Variants in TMEM47 observed in about 807,000 individuals in gnomAD.
TMEM47 encodes transmembrane protein 47.
Under a neutral mutation model 12.4 loss-of-function variants are expected in TMEM47, and 3 were observed. The observed-to-expected ratio is 0.24, with a 90% confidence interval of 0.11 to 0.63. The LOEUF is 0.63. Ranked by LOEUF, TMEM47 falls within the 20% of genes least tolerant of loss-of-function variation. The pLI is 0.86. For synonymous variants in TMEM47, 62 were observed against 63.3 expected, an observed-to-expected ratio of 0.98 and a Z score of 0.10; for missense variants, 89 against 143.8, an observed-to-expected ratio of 0.62 and a Z score of 1.95.
intron 1 of TMEM47, among the ~76,000 whole-genome samples, chrX:34,652,670 A>G (rs961562617): frequency 1.8e-5 from 2 of 111,858 alleles, no homozygotes; most frequent in Admixed American, 9.5e-5. Context: ...TGAAAATCTA[A>G]AAGACATTAA....
chrX:34,632,834 C>T (rs1921649733), intron 2 of TMEM47, among the ~76,000 whole-genome samples: 1 of 111,893 alleles, frequency 8.9e-6, no homozygotes, highest in Non-Finnish European at 1.9e-5. Context: ...GCCCAGTTGG[C>T]TCTTTGCCTT....
intron 1 of TMEM47, among the ~76,000 whole-genome samples, chrX:34,643,744 C>T (rs763304829): frequency 8.9e-6 from 1 of 111,801 alleles, no homozygotes; most frequent in South Asian, 3.8e-4. Flanking sequence ...AATTGCAGTG[C>T]TCTGCACAAT....
intron 1 of TMEM47, among the ~76,000 whole-genome samples, chrX:34,647,961 A>C (rs935411024): frequency 2.7e-5 from 3 of 111,926 alleles, no homozygotes; most frequent in African/African-American, 9.7e-5. Context: ...CCACACAAAA[A>C]AAATAAAATA....
chrX:34,651,229 G>T (rs1922012751), intron 1 of TMEM47, among the ~76,000 whole-genome samples: 1 of 112,024 alleles, frequency 8.9e-6, no homozygotes, highest in African/African-American at 3.2e-5. Flanking sequence ...AGACATGTGT[G>T]ATTTCTCAGC....
At chrX:34,631,949 A>T (rs939941911) in intron 2 of TMEM47, among the ~76,000 whole-genome samples, 20 of 111,896 alleles carry the variant, frequency 1.8e-4, no homozygotes, top group African/African-American at 6.2e-4. Flanking sequence ...TCCCTAAAAA[A>T]TACAGAGTAC....
rs759364361 is a variant in TMEM47 at position 34,634,493 on chromosome X, T to C, written c.368-4002A>G. 2.4e-3 allele frequency among the ~76,000 whole-genome samples: 270 copies of C among 112,301 alleles called. 2 individuals carry two copies. Among genetic ancestry groups the C allele is most frequent in the African/African-American group, 8.4e-3 (260 of 30,932 alleles). ...ATATATTGGGTGCCTACGTGCTAGA[T>C]GAAGGGGATAAGATAGATAAGACAT... On this transcript the variant is annotated intron_variant, in intron 2 of 2. Coordinates refer to ENST00000275954, the MANE Select transcript of TMEM47 (RefSeq NM_031442.4).
intron 1 of TMEM47, among the ~76,000 whole-genome samples, chrX:34,650,890 C>T (rs1036290541): frequency 1.8e-5 from 2 of 111,903 alleles, no homozygotes; most frequent in African/African-American, 6.5e-5. Flanking sequence ...AAGCCATATG[C>T]TGGCTGAGGG....
At chrX:34,632,956 A>G (rs187709336) in intron 2 of TMEM47, among the ~76,000 whole-genome samples, 2 of 107,568 alleles carry the variant, frequency 1.9e-5, no homozygotes, top group East Asian at 2.9e-4. Context: ...AGTACATTTG[A>G]AAAAAAAAAG....
chrX:34,637,679 C>G (rs756092400), intron 2 of TMEM47, among the ~76,000 whole-genome samples: 3 of 110,500 alleles, frequency 2.7e-5, no homozygotes, highest in African/African-American at 9.9e-5. Context: ...AGCTACATGC[C>G]TTAGTCATTT....
intron 2 of TMEM47, among the ~76,000 whole-genome samples, chrX:34,636,902 T>A (rs751143174): frequency 1.8e-5 from 2 of 111,943 alleles, no homozygotes; most frequent in South Asian, 7.6e-4. Flanking sequence ...TGATATGTAC[T>A]GAAGTAAAGA....
chrX:34,645,515 AAGTT>A (rs10550233), intron 1 of TMEM47, among the ~76,000 whole-genome samples: 2,220 of 111,675 alleles, frequency 0.02, 46 homozygotes, highest in African/African-American at 0.063. Flanking sequence ...TAACTTTTAA[AAGTT>A]AGTCTGCATG....
chrX:34,642,108 C>T (rs1249275056), intron 1 of TMEM47, among the ~76,000 whole-genome samples: 12 of 112,487 alleles, frequency 1.1e-4, no homozygotes, highest in Non-Finnish European at 1.5e-4. Context: ...CCACCCGCCT[C>T]GGCCTCCCAA....
chrX:34,629,575 A>C lies in TMEM47; in HGVS notation c.*738T>G, dbSNP rs967320622. Reference sequence around the variant, plus strand: ...TTGGCAAATGATTTAAAGGGTACAAAAGCAACTCATGCAGATTTCTTTCTG... The same window carrying C: ...TTGGCAAATGATTTAAAGGGTACAACAGCAACTCATGCAGATTTCTTTCTG... On this transcript the variant is annotated 3_prime_UTR_variant, in exon 3 of 3. Transcript: ENST00000275954. 2.7e-4 allele frequency: 30 copies of C among 111,573 alleles called. No homozygotes were observed. The highest frequency in any genetic ancestry group is 5.6e-5 in the Non-Finnish European group (3 of 53,179). The allele number at this position is 111,573 out of a possible 1,213,427, so 9.2% of individuals were successfully genotyped here.
At chrX:34,641,941 C>T (rs1396357763) in intron 1 of TMEM47, among the ~76,000 whole-genome samples, 1 of 112,463 alleles carries the variant, frequency 8.9e-6, no homozygotes, top group Non-Finnish European at 1.9e-5. Context: ...ACTGCAACCT[C>T]CGTCTCCCGG....
chrX:34,647,126 C>T (rs1921926014), intron 1 of TMEM47, among the ~76,000 whole-genome samples: 1 of 110,877 alleles, frequency 9.0e-6, no homozygotes, highest in African/African-American at 3.3e-5. Context: ...TAGAGGGAAG[C>T]ATTCGAATGT....
At position 34,628,621 on chromosome X, in the gene TMEM47, G is replaced by A. The variant is rs1362962524; in HGVS notation, c.*1692C>T. On this transcript the variant is annotated 3_prime_UTR_variant, in exon 3 of 3. Transcript: ENST00000275954. ...CTGAAAGAAGAACTGTGTTTTGGGA[G>A]GTAAAACAAATTATTAAATACTATC... 9.1e-6 allele frequency: 1 copy of A among 109,443 alleles called. No homozygotes were observed. Among genetic ancestry groups the A allele is most frequent in the Non-Finnish European group, 1.9e-5 (1 of 52,506 alleles). 9.0% of individuals were successfully genotyped at this position (109,443 alleles called of 1,213,427 possible). A position where few individuals can be genotyped will look rare whatever the true frequency, so the allele number is the denominator to read the frequency against.
intron 1 of TMEM47, among the ~76,000 whole-genome samples, chrX:34,644,209 C>A (rs1051086777): frequency 6.2e-4 from 70 of 112,138 alleles, no homozygotes; most frequent in Non-Finnish European, 1.1e-3. Flanking sequence ...CATTAACATG[C>A]AACTCAGGAA....
chrX:34,641,511 G>C (rs953731792), intron 1 of TMEM47, among the ~76,000 whole-genome samples: 1 of 111,786 alleles, frequency 8.9e-6, no homozygotes, highest in African/African-American at 3.3e-5. Context: ...AAGTGAAAGT[G>C]CAATAGATTG....
rs191870507 is a variant in TMEM47, at chrX:34,636,624, T to G, written c.367+2623A>C. ...TGCCAGTTATCAGAATCACATCATA[T>G]ATTACCTATCACTGTCAGTTACACA... is the stretch of plus-strand genomic sequence containing the variant. On this transcript the variant is annotated intron_variant, in intron 2 of 2. Transcript: ENST00000275954. 7.9e-3 allele frequency among the ~76,000 whole-genome samples: 887 copies of G among 111,819 alleles called. 3 individuals carry two copies. Among genetic ancestry groups the G allele is most frequent in the African/African-American group, 0.028 (852 of 30,790 alleles).
Sources: gnomAD v4.1 joint callset for allele counts (sites outside exome capture counted in the v4.1 genomes callset) on GRCh38, gnomAD v4.1.1 for gene constraint, MANE v1.5 for transcripts, NCBI Gene and HGNC (gene_info 2026-07-23, HGNC 2026-07-21) for gene names.